The following EYS variants were observed in gnomAD, a reference collection of about 807,000 sequenced individuals.
The protein encoded by EYS is EGF-like photoreceptor maintenance factor.
A neutral mutation model predicts 282.1 loss-of-function variants in EYS; 250 were observed. The ratio of observed to expected loss-of-function variants is 0.89; its 90% CI spans 0.80 to 0.98. The LOEUF (loss-of-function observed/expected upper bound fraction) is 0.98. Ranked by LOEUF, EYS falls within the 50% of genes least tolerant of loss-of-function variation. The pLI, the probability that EYS is intolerant of heterozygous loss-of-function variation, is 0.00. For synonymous variants in EYS, 1,355 were observed against 1,282.9 expected (o/e 1.06, Z -1.20); for missense variants, 4,016 against 3,709.0 (o/e 1.08, Z -2.15).
intron 28 of EYS, among the ~76,000 whole-genome samples, chr6:64,433,395 T>A (rs1774635208): frequency 6.6e-6 from 1 of 152,012 alleles, no homozygotes; most frequent in South Asian, 2.1e-4. Flanking sequence ...ATAATTCGTG[T>A]TTTTGACTTT....
intron 22 of EYS, among the ~76,000 whole-genome samples, chr6:64,691,778 C>G (rs144507143): frequency 6.6e-6 from 1 of 152,156 alleles, no homozygotes; most frequent in African/African-American, 2.4e-5. Context: ...TGCATTAATT[C>G]GCTTCTGGTT....
At chr6:64,005,003 T>A (rs1768277488) in intron 33 of EYS, among the ~76,000 whole-genome samples, 1 of 152,206 alleles carries the variant, frequency 6.6e-6, no homozygotes, top group Non-Finnish European at 1.5e-5. Context: ...CTGGGTCGAA[T>A]GGTAATTCTG....
intron 22 of EYS, among the ~76,000 whole-genome samples, chr6:64,736,456 C>T (rs1772184521): frequency 6.6e-6 from 1 of 152,068 alleles, no homozygotes; most frequent in Admixed American, 6.6e-5. Flanking sequence ...AGTCTTTACT[C>T]TTTTAGTGGT....
chr6:64,856,018 A>G (rs546898403), intron 19 of EYS, among the ~76,000 whole-genome samples: 9 of 148,048 alleles, frequency 6.1e-5, no homozygotes, highest in African/African-American at 2.0e-4. Context: ...CACCTATTAT[A>G]GGATGTGTTG....
At chr6:64,421,828 G>A (rs1051779840) in intron 28 of EYS, among the ~76,000 whole-genome samples, 7 of 149,578 alleles carry the variant, frequency 4.7e-5, no homozygotes, top group Non-Finnish European at 9.0e-5. Flanking sequence ...GAGAGAGAGC[G>A]AGAGAGAGAG....
intron 2 of EYS, among the ~76,000 whole-genome samples, chr6:65,498,030 A>G (rs1448178420): frequency 1.3e-5 from 2 of 152,056 alleles, no homozygotes; most frequent in Non-Finnish European, 2.9e-5. Context: ...CAATACAAAT[A>G]TAACACTCGT....
chr6:64,413,270 T>C (rs545283108), intron 28 of EYS, among the ~76,000 whole-genome samples: 3 of 152,266 alleles, frequency 2.0e-5, no homozygotes, highest in Admixed American at 1.3e-4. Flanking sequence ...ATCTAGGCTA[T>C]GGTCATACTT....
intron 8 of EYS, among the ~76,000 whole-genome samples, chr6:65,361,332 G>A (rs1028034088): frequency 1.4e-4 from 21 of 147,788 alleles, no homozygotes; most frequent in African/African-American, 5.0e-4. Context: ...CCTGCACGTT[G>A]TGAACATGTA....
At chr6:65,033,547 C>G (rs765156640) in intron 13 of EYS, among the ~76,000 whole-genome samples, 4 of 152,136 alleles carry the variant, frequency 2.6e-5, no homozygotes, top group Non-Finnish European at 4.4e-5. Context: ...GACCCAGGTA[C>G]AGCTCCAGGC....
intron 36 of EYS, among the ~76,000 whole-genome samples, chr6:63,858,100 G>A (rs967048353): frequency 1.3e-5 from 2 of 152,080 alleles, no homozygotes; most frequent in African/African-American, 4.8e-5. Flanking sequence ...AGAGCTCAGG[G>A]ACTTAGCAAA....
intron 31 of EYS, among the ~76,000 whole-genome samples, chr6:64,205,828 C>CAA (rs2150324688): frequency 1.3e-5 from 2 of 150,236 alleles, no homozygotes; most frequent in East Asian, 3.9e-4. Flanking sequence ...CACACACACA[C>CAA]ACACACACAC....
intron 2 of EYS, among the ~76,000 whole-genome samples, chr6:65,577,590 T>G (rs1020686465): frequency 6.6e-6 from 1 of 151,640 alleles, no homozygotes; most frequent in African/African-American, 2.4e-5. Flanking sequence ...TACATTAAAC[T>G]AAAAAGTTTC....
At chr6:65,008,818 T>C (rs1771773584) in intron 13 of EYS, among the ~76,000 whole-genome samples, 1 of 152,168 alleles carries the variant, frequency 6.6e-6, no homozygotes, top group Admixed American at 6.5e-5. Flanking sequence ...GCCAGGAGGT[T>C]AACTGTCTCC....
At chr6:63,982,267 T>C (rs549780629) in intron 35 of EYS, among the ~76,000 whole-genome samples, 67 of 151,956 alleles carry the variant, frequency 4.4e-4, no homozygotes, top group African/African-American at 1.6e-3. Flanking sequence ...AAGAACATAC[T>C]AACAGTTAAC....
At chr6:65,205,361 C>T (rs1173987745) in intron 12 of EYS, among the ~76,000 whole-genome samples, 4 of 151,582 alleles carry the variant, frequency 2.6e-5, no homozygotes, top group Admixed American at 2.6e-4. Context: ...TTTAACTATT[C>T]TAAATATATA....
chr6:64,670,096 G>T (rs1395585351), intron 22 of EYS, among the ~76,000 whole-genome samples: 1 of 151,982 alleles, frequency 6.6e-6, no homozygotes, highest in East Asian at 1.9e-4. Context: ...ATAATGCCCT[G>T]ATCTCCCCGT....
At chr6:64,083,114 G>T (rs900497286) in intron 31 of EYS, among the ~76,000 whole-genome samples, 1 of 151,902 alleles carries the variant, frequency 6.6e-6, no homozygotes, top group Non-Finnish European at 1.5e-5. Flanking sequence ...TCACCATGTT[G>T]CCCAGGATTG....
chr6:63,836,538 G>A (rs947638336), intron 36 of EYS, among the ~76,000 whole-genome samples: 3 of 151,960 alleles, frequency 2.0e-5, no homozygotes, highest in Non-Finnish European at 2.9e-5. Context: ...TTGTCTATTA[G>A]AAATTAATGG....
intron 5 of EYS, among the ~76,000 whole-genome samples, chr6:65,474,821 A>C (rs907873094): frequency 6.6e-6 from 1 of 152,068 alleles, no homozygotes; most frequent in Admixed American, 6.6e-5. Flanking sequence ...AAAAACTTTG[A>C]GTAGTGAAGA....
Sources: gnomAD v4.1 joint callset for allele counts (sites outside exome capture counted in the v4.1 genomes callset) on GRCh38, gnomAD v4.1.1 for gene constraint, MANE v1.5 for transcripts, NCBI Gene and HGNC (gene_info 2026-07-23, HGNC 2026-07-21) for gene names.